The following MACIR variants were observed in gnomAD, a reference collection of about 807,000 sequenced individuals.
MACIR encodes the protein macrophage immunometabolism regulator, also known as UNC119-binding protein C5orf30.
In MACIR, 4 loss-of-function variants were observed where a neutral mutation model predicts 14.3. The ratio of observed to expected loss-of-function variants is 0.28; its 90% CI spans 0.14 to 0.64. The LOEUF is 0.64. Ranked by LOEUF, MACIR falls within the 30% of genes least tolerant of loss-of-function variation. MACIR has a pLI of 0.83. For missense variants in MACIR, 228 were observed against 257.6 expected (o/e 0.89, Z 0.79); for synonymous variants, 101 against 102.4 (o/e 0.99, Z 0.08).
At chr5:103,264,545 T>C (rs1282729705) in intron 1 of MACIR, among the ~76,000 whole-genome samples, 2 of 152,164 alleles carry the variant, frequency 1.3e-5, no homozygotes, top group Admixed American at 1.3e-4. Flanking sequence ...CAATTTACTG[T>C]GTGTTAAAAC....
Position 103,261,709 on chromosome 5 carries a change from T to TCTTTCTTTCTTC in MACIR, c.-114+2824_-114+2825insCCTTTCTTTCTT, listed in dbSNP as rs1804733273. Among the ~76,000 whole-genome samples, 176 of 102,988 alleles carry TCTTTCTTTCTTC rather than the reference T, an allele frequency of 1.7e-3. 1 individual carries two copies. The highest frequency in any genetic ancestry group is 3.9e-3 in the African/African-American group (103 of 26,302). The allele number at this position is 102,988 out of a possible 152,430, so 67.6% of individuals were successfully genotyped here. ...TTCTTTCTTTCTTTCTTTCTTCCTT[T>TCTTTCTTTCTTC]CTTTCTTTCTTTCTTTCTTTTCTTT... On this transcript the variant is annotated intron_variant, in intron 1 of 2. Coordinates refer to ENST00000319933, the MANE Select transcript of MACIR (RefSeq NM_033211.4).
chr5:103,271,580 CAATATAG>C (rs1805127465), intron 2 of MACIR, among the ~76,000 whole-genome samples: 1 of 152,010 alleles, frequency 6.6e-6, no homozygotes, highest in South Asian at 2.1e-4. Context: ...TAAATTTCAG[CAATATAG>C]AAGCATCTAT....
rs151003535 is a variant in MACIR at position 103,265,437 on chromosome 5, C to T, written c.-113-471C>T. ...TATTAGGGAGGAAGGGGGGTTATTA[C>T]GGTCCACATTTTAGAGATTGATATT... On this transcript the variant is annotated intron_variant, in intron 1 of 2. Coordinates refer to ENST00000319933, the MANE Select transcript of MACIR (RefSeq NM_033211.4). 1.8e-3 allele frequency among the ~76,000 whole-genome samples: 280 copies of T among 152,226 alleles called. 4 individuals are homozygous for T. The highest frequency in any genetic ancestry group is 7.5e-3 in the East Asian group (39 of 5,174).
At position 103,265,981 on chromosome 5, in the gene MACIR, T is replaced by A. The variant is rs1311527628; in HGVS notation, c.-40T>A. On this transcript the variant is annotated 5_prime_UTR_variant, in exon 2 of 3. Coordinates refer to ENST00000319933, the MANE Select transcript of MACIR (RefSeq NM_033211.4). The stretch of plus-strand genomic sequence containing the variant: ...TCATTGGAAATTGTACAGTGACATC[T>A]TCTGGGATTTAGTCTGGTAAGTTAT... The A allele has an allele frequency of 6.6e-6, 1 of 152,146 alleles. No individual in the cohort carries two copies. The highest frequency in any genetic ancestry group is 6.6e-5 in the Admixed American group (1 of 15,262). 9.4% of individuals were successfully genotyped at this position (152,146 alleles called of 1,614,324 possible).
At chr5:103,269,505 T>G (rs1371512424) in intron 2 of MACIR, among the ~76,000 whole-genome samples, 1 of 152,214 alleles carries the variant, frequency 6.6e-6, no homozygotes, top group African/African-American at 2.4e-5. Context: ...GGAGTGAATT[T>G]TTTTTATAAT....
intron 2 of MACIR, among the ~76,000 whole-genome samples, chr5:103,271,702 AT>A (rs1805132658): frequency 6.6e-6 from 1 of 152,054 alleles, no homozygotes; most frequent in Non-Finnish European, 1.5e-5. Context: ...CATTTGAAAA[AT>A]TGTATTGTTC....
intron 2 of MACIR, among the ~76,000 whole-genome samples, chr5:103,266,924 C>T (rs941361013): frequency 6.6e-6 from 1 of 151,988 alleles, no homozygotes; most frequent in Admixed American, 6.6e-5. Context: ...AAATTGGAAA[C>T]GTTACTAAAA....
intron 1 of MACIR, among the ~76,000 whole-genome samples, chr5:103,260,474 G>T (rs1402250565): frequency 6.6e-6 from 1 of 151,906 alleles, no homozygotes; most frequent in Non-Finnish European, 1.5e-5. Context: ...AACTGTGAAT[G>T]CATTATAAAC....
At chr5:103,268,166 G>A (rs1274328947) in intron 2 of MACIR, among the ~76,000 whole-genome samples, 11 of 152,140 alleles carry the variant, frequency 7.2e-5, no homozygotes, top group Admixed American at 1.3e-4. Context: ...TTGTATGGAC[G>A]TGTATTTTCA....
intron 1 of MACIR, among the ~76,000 whole-genome samples, chr5:103,263,880 T>C (rs1205621913): frequency 6.6e-6 from 1 of 152,172 alleles, no homozygotes; most frequent in East Asian, 1.9e-4. Context: ...TTCTGTCGCA[T>C]AATTTATGAT....
At chr5:103,274,559 C>T (rs1232436504) in intron 2 of MACIR, among the ~76,000 whole-genome samples, 1 of 151,574 alleles carries the variant, frequency 6.6e-6, no homozygotes, top group Non-Finnish European at 1.5e-5. Context: ...TGTTTGTTTT[C>T]AGTGGGGATC....
chr5:103,259,612 A>C (rs1554236020), intron 1 of MACIR: 1 of 152,376 alleles, frequency 6.6e-6, no homozygotes, highest in Non-Finnish European at 1.5e-5. Flanking sequence ...TCCTGGTTGC[A>C]ACCCGCGTGC....
At chr5:103,270,030 T>G (rs1805071401) in intron 2 of MACIR, among the ~76,000 whole-genome samples, 1 of 152,186 alleles carries the variant, frequency 6.6e-6, no homozygotes, top group Non-Finnish European at 1.5e-5. Context: ...CATTTATCTT[T>G]TTCTTCTTGG....
intron 2 of MACIR, among the ~76,000 whole-genome samples, chr5:103,266,564 A>G (rs1554236753): frequency 6.6e-6 from 1 of 152,072 alleles, no homozygotes; most frequent in East Asian, 1.9e-4. Context: ...TCAGTGTGTC[A>G]TCTGTGTATC....
At chr5:103,269,187 G>A (rs1805037891) in intron 2 of MACIR, among the ~76,000 whole-genome samples, 1 of 152,094 alleles carries the variant, frequency 6.6e-6, no homozygotes, top group African/African-American at 2.4e-5. Flanking sequence ...CAGCATGGGT[G>A]ACAGAGCAAG....
chr5:103,261,985 G>C lies in MACIR; in HGVS notation c.-114+3089G>C, dbSNP rs560104576. On this transcript the variant is annotated intron_variant, in intron 1 of 2. Coordinates refer to ENST00000319933, the MANE Select transcript of MACIR (RefSeq NM_033211.4). Reference sequence around the variant, plus strand: ...TGTTGTTAAATTTTTTCTTACTGCTGTTTTGTTAGTGATCTGTGCTGAAGC... The same window carrying C: ...TGTTGTTAAATTTTTTCTTACTGCTCTTTTGTTAGTGATCTGTGCTGAAGC... Among the ~76,000 whole-genome samples the C allele has an allele frequency of 2.0e-5, 3 of 152,142 alleles. No individual in the cohort carries two copies. In the South Asian group the frequency reaches 6.2e-4, roughly 32 times the overall value.
rs1243813917 is a variant in MACIR at position 103,273,072 on chromosome 5, T to G, written c.-23-2825T>G. 2.6e-5 allele frequency among the ~76,000 whole-genome samples: 4 copies of G among 152,244 alleles called. No homozygotes were observed. The East Asian group carries it at 7.7e-4, about 29-fold the overall frequency. On this transcript the variant is annotated intron_variant, in intron 2 of 2. Coordinates refer to ENST00000319933, the MANE Select transcript of MACIR (RefSeq NM_033211.4). ...ATCTCCCTAGAATACTGACCTGTTT[T>G]GCATTGGCTTTAGTTGCTCCACTGA... is the stretch of plus-strand genomic sequence containing the variant.
At chr5:103,261,658 C>CTTTCTTTCTTTCTTTTCTTTTCT (rs1804704420) in intron 1 of MACIR, among the ~76,000 whole-genome samples, 1 of 104,008 alleles carries the variant, frequency 9.6e-6, no homozygotes, top group African/African-American at 4.2e-5. Flanking sequence ...TTCTTTCTTT[C>CTTTCTTTCTTTCTTTTCTTTTCT]TTTCTTTCTT....
intron 2 of MACIR, among the ~76,000 whole-genome samples, chr5:103,273,532 C>G (rs989561508): frequency 6.6e-6 from 1 of 152,198 alleles, no homozygotes; most frequent in Non-Finnish European, 1.5e-5. Flanking sequence ...TTCTCTAAAC[C>G]GTTGTCTCCT....
Sources: gnomAD v4.1 joint callset for allele counts (sites outside exome capture counted in the v4.1 genomes callset) on GRCh38, gnomAD v4.1.1 for gene constraint, MANE v1.5 for transcripts, NCBI Gene and HGNC (gene_info 2026-07-23, HGNC 2026-07-21) for gene names.